The following PARP6 variants were observed in gnomAD, a reference collection of about 807,000 sequenced individuals.
PARP6 encodes protein mono-ADP-ribosyltransferase PARP6.
Under a neutral mutation model 92.0 loss-of-function variants are expected in PARP6, and 27 were observed. The ratio of observed to expected loss-of-function variants is 0.29; its 90% CI spans 0.22 to 0.40. PARP6 has a LOEUF of 0.40. PARP6 is among the 10% of genes least tolerant of loss of function. PARP6 has a pLI of 1.00. For synonymous variants in PARP6, 272 were observed against 281.2 expected (o/e 0.97, Z 0.33); for missense variants, 501 against 784.5 (o/e 0.64, Z 4.32).
At position 72,250,960 on chromosome 15, in the gene PARP6, G is replaced by T; in HGVS notation, c.1309-6C>A. On this transcript the variant is annotated splice_polypyrimidine_tract_variant and splice_region_variant and intron_variant, in intron 17 of 23. Transcript: ENST00000569795. ...GAGGTGTGCATGAACTTCAGCTGCT[G>T]CCCAGGGTGGGGGTGGAATCAGGAA... 6.2e-7 allele frequency: 1 copy of T among 1,601,612 alleles called. No individual in the cohort carries two copies. The highest frequency in any genetic ancestry group is 8.5e-7 in the Non-Finnish European group (1 of 1,170,412).
At chr15:72,264,372 T>C (rs1597127152) in intron 8 of PARP6, among the ~76,000 whole-genome samples, 183 bp downstream of exon 8, 2 of 152,182 alleles carry the variant, frequency 1.3e-5, no homozygotes, top group East Asian at 3.9e-4. Flanking sequence ...AAGAACCACA[T>C]ACTCTCTCTC....
At chr15:72,271,791 T>G (rs2087469786) in intron 1 of PARP6, among the ~76,000 whole-genome samples, 1 of 152,218 alleles carries the variant, frequency 6.6e-6, no homozygotes, top group Non-Finnish European at 1.5e-5. Context: ...ATAGACTATA[T>G]GATGAGTGTC....
chr15:72,254,019 G>C (rs1489897292), intron 15 of PARP6: 1 of 461,272 alleles, frequency 2.2e-6, no homozygotes, highest in African/African-American at 2.0e-5. Context: ...AGTCTGGTGA[G>C]GGACAGCCTT....
At chr15:72,249,955 C>T in intron 19 of PARP6, 65 bp downstream of exon 19, 3 of 1,057,082 alleles carry the variant, frequency 2.8e-6, no homozygotes, top group Non-Finnish European at 4.4e-6. Context: ...TCTAGAGCAG[C>T]CTTCCACAAA....
Position 72,264,592 on chromosome 15 carries a change from T to A in PARP6, c.358A>T (p.Asn120Tyr), listed in dbSNP as rs746208318. Residue 120 changes from asparagine (N) to tyrosine (Y), a missense_variant, in exon 8 of 24, where the codon AAT (asparagine) becomes TAT (tyrosine). Physicochemically the swap from Asn to Tyr is moderately radical, Grantham distance 143. Coordinates refer to ENST00000569795, the MANE Select transcript of PARP6 (RefSeq NM_001323532.2). ...EPSIEVFQPS[N>Y]KEGFGLGLQL... ...AGACCCAGCCCAAATCCTTCCTTAT[T>A]TGATGGCTGGAAAACCTCAATGGAT... The A allele has an allele frequency of 1.2e-6, 2 of 1,613,930 alleles. No individual in the cohort carries two copies. The highest frequency in any genetic ancestry group is 3.3e-5 in the Admixed American group (2 of 60,004).
intron 8 of PARP6, 129 bp from the exon 9 acceptor site, chr15:72,261,836 T>C: frequency 1.2e-6 from 1 of 828,992 alleles, no homozygotes; most frequent in Non-Finnish European, 1.9e-6. Context: ...GGAATGTGTA[T>C]CTGAAGACCC....
Position 72,265,975 on chromosome 15 carries a change from T to G in PARP6, c.98A>C (p.Asp33Ala). 5 of 1,613,444 alleles carry G rather than the reference T, an allele frequency of 3.1e-6. No individual in the cohort carries two copies. Among genetic ancestry groups the G allele is most frequent in the Non-Finnish European group, 4.2e-6 (5 of 1,179,496 alleles). The part of the protein sequence containing the change: ...LYGVQGSCAA[D>A]LYRHPQLDAD... ...ATCAAGCTGTGGGTGTCGATACAGG[T>G]CAGCTGCACAGCTCCCCTGAGATAG... The change falls in exon 5 of 24, where the codon GAC becomes GCC. Residue 33 changes from aspartate to alanine, a missense_variant. Asp to Ala is a moderately radical substitution (Grantham distance 126, BLOSUM62 -2). Transcript: ENST00000569795.
rs2083171459 is a variant in PARP6, at chr15:72,242,529, A to G, written c.1641+91T>C. On this transcript the variant is annotated intron_variant, in intron 21 of 23. Transcript: ENST00000569795. This position sits in a 1 kb window ranked among gnomAD's most constrained non-coding sequence, Gnocchi z 4.3. ...TTAAATGATCTCAAATCACTCCCCA[A>G]CCCATTCTCACCCCACTGTTTCCCT... 3.4e-6 allele frequency: 3 copies of G among 887,278 alleles called. No homozygotes were observed. The highest frequency in any genetic ancestry group is 5.7e-6 in the Non-Finnish European group (3 of 524,654). 55.0% of individuals were successfully genotyped at this position (887,278 alleles called of 1,614,324 possible). A position where few individuals can be genotyped will look rare whatever the true frequency, so the allele number is the denominator to read the frequency against.
In PARP6 at chr15:72,266,825, A is replaced by C. The variant is rs1460219407; in HGVS notation, c.4-3T>G. The C allele has an allele frequency of 6.2e-7, 1 of 1,610,200 alleles. No individual in the cohort carries two copies. The highest frequency in any genetic ancestry group is 1.7e-5 in the Admixed American group (1 of 60,022). On this transcript the variant is annotated splice_region_variant and splice_polypyrimidine_tract_variant and intron_variant, in intron 3 of 23. Coordinates refer to ENST00000569795, the MANE Select transcript of PARP6 (RefSeq NM_001323532.2). ...TTCCAGAACTGGCCTTTGATGTCCTAGTGGTGAGAAATAAGGATATCATGC... is the reference window on the plus strand; with the variant it reads ...TTCCAGAACTGGCCTTTGATGTCCTCGTGGTGAGAAATAAGGATATCATGC...
At chr15:72,257,483 C>G in intron 12 of PARP6, 43 bp from the exon 13 acceptor site, 1 of 1,503,778 alleles carries the variant, frequency 6.6e-7, no homozygotes, top group Middle Eastern at 1.7e-4. Flanking sequence ...ATGGGGTGTG[C>G]AATAAGGTGT....
In PARP6 at chr15:72,267,489, G is replaced by C. The variant is rs370728902; in HGVS notation, c.-12C>G. The C allele has an allele frequency of 1.9e-6, 3 of 1,613,748 alleles. No individual in the cohort carries two copies. The highest frequency in any genetic ancestry group is 2.5e-6 in the Non-Finnish European group (3 of 1,179,830). Reference sequence around the variant, plus strand: ...TCAGTTCTCACCATTGGGTCAGTGGGTCACACACACTCTCAGGTCAGTGCT... The same window carrying C: ...TCAGTTCTCACCATTGGGTCAGTGGCTCACACACACTCTCAGGTCAGTGCT... On this transcript the variant is annotated 5_prime_UTR_variant, in exon 3 of 24. Transcript: ENST00000569795.
chr15:72,251,759 C>A (rs1178770421), intron 16 of PARP6, among the ~76,000 whole-genome samples: 3 of 152,122 alleles, frequency 2.0e-5, no homozygotes, highest in African/African-American at 7.2e-5. Flanking sequence ...ACTGTCTAGG[C>A]TGGAAAAAGA....
chr15:72,254,569 G>T (rs761043374), intron 14 of PARP6, 49 bp from the exon 15 acceptor site: 1 of 1,457,224 alleles, frequency 6.9e-7, no homozygotes. Flanking sequence ...AAAAGTAGAG[G>T]AAAGTAAGAT....
Position 72,241,507 on chromosome 15 carries a change from T to C in PARP6, c.1841A>G (p.Lys614Arg), listed in dbSNP as rs995799446. 1.9e-6 allele frequency: 3 copies of C among 1,614,190 alleles called. No homozygotes were observed. Among genetic ancestry groups the C allele is most frequent in the Middle Eastern group, 3.3e-4 (2 of 6,062 alleles). ...GDANINTQDP[K>R]IQKEIMRVIG... is the part of the protein sequence containing the mutation. ...CACACGCATGATTTCCTTCTGTATC[T>C]TGGGGTCCTGAGTATTAATGTTGGC... The change falls in exon 24 of 24, where the codon AAG becomes AGG. Residue 614 changes from lysine to arginine, a missense_variant. Coordinates refer to ENST00000569795, the MANE Select transcript of PARP6 (RefSeq NM_001323532.2). This position sits in a 1 kb window ranked among gnomAD's most constrained non-coding sequence, Gnocchi z 4.1.
chr15:72,248,150 C>A (rs1322241343), intron 20 of PARP6, among the ~76,000 whole-genome samples: 1 of 152,078 alleles, frequency 6.6e-6, no homozygotes, highest in African/African-American at 2.4e-5. Flanking sequence ...TGTCCTTTTT[C>A]TCTTAATCTA....
At position 72,264,578 on chromosome 15, in the gene PARP6, A is replaced by T; in HGVS notation, c.372T>A (p.Phe124Leu). 6.2e-7 allele frequency: 1 copy of T among 1,614,058 alleles called. No individual in the cohort carries two copies. Among genetic ancestry groups the T allele is most frequent in the Non-Finnish European group, 8.5e-7 (1 of 1,179,912 alleles). Residue 124 changes from phenylalanine (F) to leucine (L), a missense_variant, in exon 8 of 24, where the codon TTT becomes TTA. Physicochemically the swap from Phe to Leu is conservative, Grantham distance 22. Transcript: ENST00000569795. ...EVFQPSNKEG[F>L]GLGLQLKKIL... is the part of the protein sequence containing the mutation. Reference sequence around the variant, plus strand: ...ACTTTTTCAACTGAAGACCCAGCCCAAATCCTTCCTTATTTGATGGCTGGA... The same window carrying T: ...ACTTTTTCAACTGAAGACCCAGCCCTAATCCTTCCTTATTTGATGGCTGGA...
chr15:72,266,356 A>G (rs977139662), intron 4 of PARP6, among the ~76,000 whole-genome samples: 4 of 152,222 alleles, frequency 2.6e-5, no homozygotes, highest in Non-Finnish European at 4.4e-5. Context: ...AGTGAAGAGC[A>G]TTCTGAGAGT....
At chr15:72,260,453 G>C (rs1052882131) in intron 10 of PARP6, 25 bp downstream of exon 10, 23 of 1,592,192 alleles carry the variant, frequency 1.4e-5, no homozygotes, top group Non-Finnish European at 2.0e-5. Context: ...TGATAGCCAA[G>C]TCAAACCCTC....
At chr15:72,251,328 G>T in intron 16 of PARP6, 73 bp from the exon 17 acceptor site, 1 of 870,418 alleles carries the variant, frequency 1.1e-6, no homozygotes, top group Non-Finnish European at 1.8e-6. Flanking sequence ...GAACAAGCCA[G>T]TCTTCCTCTG....
Sources: gnomAD v4.1 joint callset for allele counts (sites outside exome capture counted in the v4.1 genomes callset) on GRCh38, gnomAD v4.1.1 for gene constraint, Gnocchi (gnomAD v3.1) non-coding constraint, MANE v1.5 for transcripts, NCBI Gene and HGNC (gene_info 2026-07-23, HGNC 2026-07-21) for gene names.